Variants in PIAS2 observed in about 807,000 individuals in gnomAD.
The protein encoded by PIAS2 is E3 SUMO-protein ligase PIAS2.
Under a neutral mutation model 69.7 loss-of-function variants are expected in PIAS2, and 19 were observed. The ratio of observed to expected loss-of-function variants is 0.27; its 90% CI spans 0.19 to 0.40. The LOEUF (loss-of-function observed/expected upper bound fraction) is 0.40. Ranked by LOEUF, PIAS2 falls within the 10% of genes least tolerant of loss-of-function variation. PIAS2 has a pLI of 1.00. For missense variants in PIAS2, 624 were observed against 757.0 expected (o/e 0.82, Z 2.06); for synonymous variants, 261 against 263.2 (o/e 0.99, Z 0.08).
intron 12 of PIAS2, among the ~76,000 whole-genome samples, chr18:46,820,657 A>G (rs1275407586): frequency 1.3e-5 from 2 of 148,866 alleles, no homozygotes; most frequent in Non-Finnish European, 3.0e-5. Context: ...GAAACCAAGA[A>G]GAAGTCTCTA....
At chr18:46,833,081 G>C (rs958261864) in intron 9 of PIAS2, among the ~76,000 whole-genome samples, 1 of 152,110 alleles carries the variant, frequency 6.6e-6, no homozygotes, top group East Asian at 1.9e-4. Flanking sequence ...ATTTACCCAA[G>C]ATAAATGAAA....
At chr18:46,859,819 G>A (rs1030580472) in intron 3 of PIAS2, among the ~76,000 whole-genome samples, 2 of 152,096 alleles carry the variant, frequency 1.3e-5, no homozygotes, top group African/African-American at 4.8e-5. Context: ...TAATTTTGCA[G>A]CCACCCATAT....
chr18:46,855,717 T>C (rs2047645938), intron 3 of PIAS2, 102 bp from the exon 4 acceptor site: 3 of 876,548 alleles, frequency 3.4e-6, no homozygotes, highest in South Asian at 1.5e-5. Context: ...TGTATTTTTC[T>C]TATTCCCTGA....
At chr18:46,868,554 T>C (rs1490907857) in intron 2 of PIAS2, among the ~76,000 whole-genome samples, 3 of 152,014 alleles carry the variant, frequency 2.0e-5, no homozygotes, top group South Asian at 4.2e-4. Flanking sequence ...TCAGTGTAGA[T>C]TGTGCCGTCT....
chr18:46,854,149 C>A (rs1262871303), intron 5 of PIAS2, among the ~76,000 whole-genome samples: 1 of 152,194 alleles, frequency 6.6e-6, no homozygotes, highest in Non-Finnish European at 1.5e-5. Flanking sequence ...GTCCACAAGA[C>A]CAGGGTCAGT....
Position 46,807,355 on chromosome 18 carries a change from TTATATATATATATATATATA to T in PIAS2, c.*5058_*5077del, listed in dbSNP as rs1289254598. ...AGGTGTTTCTGAAACATGTCAGATT[TTATATATATATATATATATA>T]TATATATATTTTTTTTTTTTTTTTT... On this transcript the variant is annotated 3_prime_UTR_variant, in exon 14 of 14. Transcript: ENST00000585916. 3.3e-5 allele frequency: 1 copy of T among 29,960 alleles called. No homozygotes were observed. The highest frequency in any genetic ancestry group is 2.1e-4 in the African/African-American group (1 of 4,774). The allele number at this position is 29,960 out of a possible 1,614,324, so 1.9% of individuals were successfully genotyped here. A position where few individuals can be genotyped will look rare whatever the true frequency, so the allele number is the denominator to read the frequency against.
At chr18:46,916,663 G>C (rs1467370276) in intron 1 of PIAS2, among the ~76,000 whole-genome samples, 1 of 152,136 alleles carries the variant, frequency 6.6e-6, no homozygotes, top group African/African-American at 2.4e-5. Flanking sequence ...AAGAGTAAAA[G>C]GGGTGCACAA....
chr18:46,900,504 C>T (rs562910265), intron 1 of PIAS2, among the ~76,000 whole-genome samples: 19 of 150,940 alleles, frequency 1.3e-4, no homozygotes, highest in Admixed American at 7.9e-4. Context: ...CCAGGTTCTA[C>T]CAAAAAAAAA....
chr18:46,812,690 T>G (rs991946245), intron 13 of PIAS2, 78 bp from the exon 14 acceptor site: 5 of 821,350 alleles, frequency 6.1e-6, no homozygotes, highest in Non-Finnish European at 9.8e-6. Context: ...TTATTAGATA[T>G]GCACAAGCAA....
chr18:46,882,053 C>T (rs1568703585), intron 2 of PIAS2, among the ~76,000 whole-genome samples: 4 of 151,390 alleles, frequency 2.6e-5, no homozygotes, highest in South Asian at 2.1e-4. Flanking sequence ...GCCAAGATCC[C>T]GCCACTGCAT....
At chr18:46,866,424 C>T (rs2049472079) in intron 2 of PIAS2, among the ~76,000 whole-genome samples, 1 of 152,126 alleles carries the variant, frequency 6.6e-6, no homozygotes, top group South Asian at 2.1e-4. Context: ...AAATTCAATA[C>T]CCTTCAAAAG....
chr18:46,856,612 AG>A (rs2047878119), intron 3 of PIAS2, among the ~76,000 whole-genome samples: 1 of 152,192 alleles, frequency 6.6e-6, no homozygotes, highest in East Asian at 1.9e-4. Context: ...ATTCCTTAGG[AG>A]CTTGTTGGAA....
chr18:46,917,558 G>A, upstream of PIAS2: 2 of 1,115,830 alleles, frequency 1.8e-6, no homozygotes, highest in Non-Finnish European at 2.2e-6. Flanking sequence ...GCCCCTAGCG[G>A]TGCCCCCTGC....
chr18:46,886,193 T>C (rs910818243), intron 2 of PIAS2, among the ~76,000 whole-genome samples: 12 of 152,178 alleles, frequency 7.9e-5, no homozygotes, highest in Admixed American at 4.6e-4. Context: ...ATCCTCTCTG[T>C]CCTGTGCTTA....
rs140806843 is a variant in PIAS2, at chr18:46,821,534, C to A, written c.1509-462G>T. Among the ~76,000 whole-genome samples the A allele has an allele frequency of 4.6e-5, 7 of 152,178 alleles. No individual in the cohort carries two copies. The South Asian group carries it at 1.5e-3, about 32-fold the overall frequency. On this transcript the variant is annotated intron_variant, in intron 11 of 13. Transcript: ENST00000585916. Reference sequence around the variant, plus strand: ...AATCCAAATTTCTTCAAGTCTAACTCGAATTGTATTAATTATTTGCAATCT... The same window carrying A: ...AATCCAAATTTCTTCAAGTCTAACTAGAATTGTATTAATTATTTGCAATCT...
chr18:46,843,895 A>G (rs2045779530), intron 8 of PIAS2, 159 bp downstream of exon 8: 3 of 484,456 alleles, frequency 6.2e-6, no homozygotes, highest in Non-Finnish European at 1.1e-5. Flanking sequence ...CCCAAATAAT[A>G]CAAAGAATTG....
chr18:46,821,084 A>G lies in PIAS2; in HGVS notation c.1509-12T>C. The G allele has an allele frequency of 6.2e-7, 1 of 1,612,536 alleles. No individual in the cohort carries two copies. The highest frequency in any genetic ancestry group is 8.5e-7 in the Non-Finnish European group (1 of 1,179,150). ...GATACATGAGAACCCTGTTTTAAAT[A>G]GCACGGGAAATTACAAACAATCTGG... is the stretch of plus-strand genomic sequence containing the variant. On this transcript the variant is annotated splice_polypyrimidine_tract_variant and intron_variant, in intron 11 of 13. Transcript: ENST00000585916.
intron 8 of PIAS2, among the ~76,000 whole-genome samples, chr18:46,838,927 C>T (rs979745545): frequency 1.3e-5 from 2 of 152,276 alleles, no homozygotes; most frequent in African/African-American, 4.8e-5. Flanking sequence ...TCCTCCTTTG[C>T]TAAGTTTTTG....
chr18:46,844,810 C>T lies in PIAS2; in HGVS notation c.891G>A (p.Arg297=). 6.8e-7 allele frequency: 1 copy of T among 1,472,154 alleles called. No individual in the cohort carries two copies. The highest frequency in any genetic ancestry group is 9.0e-7 in the Non-Finnish European group (1 of 1,110,182). 91.2% of individuals were successfully genotyped at this position (1,472,154 alleles called of 1,614,324 possible). The change falls in exon 7 of 14, where the codon CGG becomes CGA. Residue 297 remains arginine, a synonymous_variant. Transcript: ENST00000585916. The part of the protein sequence containing the change: ...KNYSMSVYLV[R]QLTSAMLLQR... ...GTAATAACATGGCTGATGTAAGCTG[C>T]CGTACAAGATATACAGACATAGAGT...
Sources: gnomAD v4.1 joint callset for allele counts (sites outside exome capture counted in the v4.1 genomes callset) on GRCh38, gnomAD v4.1.1 for gene constraint, MANE v1.5 for transcripts, NCBI Gene and HGNC (gene_info 2026-07-23, HGNC 2026-07-21) for gene names.